The following IQCB1 variants were observed in gnomAD, a reference collection of about 807,000 sequenced individuals.
The protein encoded by IQCB1 is IQ motif containing B1.
Under a neutral mutation model 84.4 loss-of-function variants are expected in IQCB1, and 56 were observed. That is an observed-to-expected ratio of 0.66 (90% confidence interval 0.54 to 0.83). IQCB1 has a LOEUF of 0.83. Among genes scored for constraint, IQCB1 ranks in the 40% least tolerant of loss-of-function variants. IQCB1 has a pLI of 0.00. For synonymous variants in IQCB1, 210 were observed against 234.8 expected, an observed-to-expected ratio of 0.89 and a Z score of 0.96; for missense variants, 629 against 682.1, an observed-to-expected ratio of 0.92 and a Z score of 0.87.
chr3:121,812,561 T>A (rs1205822206), intron 5 of IQCB1, among the ~76,000 whole-genome samples: 1 of 152,126 alleles, frequency 6.6e-6, no homozygotes, highest in Non-Finnish European at 1.5e-5. Flanking sequence ...GAATAACCAG[T>A]TTAGGAGAAC....
At position 121,826,077 on chromosome 3, in the gene IQCB1, G is replaced by C. The variant is rs1950456364; in HGVS notation, c.367C>G (p.Gln123Glu). Residue 123 changes from glutamine to glutamate, a missense_variant, in exon 5 of 15, where the codon CAA becomes GAA. Coordinates refer to ENST00000310864, the MANE Select transcript of IQCB1 (RefSeq NM_001023570.4). ...ENFLVLGRQL[Q>E]TCFINAAKAE... is the part of the protein sequence containing the mutation. ...TTAGCTGCATTGATAAAACATGTTT[G>C]TAATTGTCTCCCCAAAACTAGAAAA... The C allele has an allele frequency of 6.2e-7, 1 of 1,612,970 alleles. No individual in the cohort carries two copies. Among genetic ancestry groups the C allele is most frequent in the African/African-American group, 1.3e-5 (1 of 74,898 alleles).
intron 10 of IQCB1, among the ~76,000 whole-genome samples, chr3:121,794,006 A>G (rs1576566459): frequency 1.3e-5 from 2 of 152,302 alleles, no homozygotes; most frequent in East Asian, 3.9e-4. Flanking sequence ...ATCCATAAGT[A>G]ATACCTACTC....
intron 5 of IQCB1, among the ~76,000 whole-genome samples, chr3:121,823,174 T>C (rs1950335895): frequency 6.9e-6 from 1 of 144,704 alleles, no homozygotes; most frequent in Non-Finnish European, 1.5e-5. Context: ...GACAGAACAA[T>C]AGAAATTATC....
chr3:121,812,834 G>A (rs916709165), intron 5 of IQCB1, among the ~76,000 whole-genome samples: 1 of 152,110 alleles, frequency 6.6e-6, no homozygotes, highest in East Asian at 1.9e-4. Context: ...GAACCAAGTT[G>A]GAAAACACTT....
At chr3:121,775,171 G>T (rs1948172436) in intron 13 of IQCB1, among the ~76,000 whole-genome samples, 1 of 152,168 alleles carries the variant, frequency 6.6e-6, no homozygotes. Context: ...AAATCTTTCA[G>T]TTGTGGTTCT....
Position 121,807,461 on chromosome 3 carries a change from AAAAG to A in IQCB1, c.488-22_488-19del. On this transcript the variant is annotated intron_variant, in intron 6 of 14. Coordinates refer to ENST00000310864, the MANE Select transcript of IQCB1 (RefSeq NM_001023570.4). ...TTGTAGTACTAAAGGAAAAGAAAAA[AAAAG>A]AAAGATTAAAGTAAAGATTTTATGA... The A allele has an allele frequency of 8.3e-7, 1 of 1,204,852 alleles. No homozygotes were observed. The highest frequency in any genetic ancestry group is 1.2e-6 in the Non-Finnish European group (1 of 810,286). 74.6% of individuals were successfully genotyped at this position (1,204,852 alleles called of 1,614,324 possible). A position where few individuals can be genotyped will look rare whatever the true frequency, so the allele number is the denominator to read the frequency against.
chr3:121,775,540 G>T (rs1013347576), intron 13 of IQCB1, among the ~76,000 whole-genome samples: 2 of 152,004 alleles, frequency 1.3e-5, no homozygotes, highest in African/African-American at 4.8e-5. Context: ...AGGTTGATGG[G>T]TCCCAAACCA....
intron 7 of IQCB1, among the ~76,000 whole-genome samples, chr3:121,802,841 C>T (rs1421419125): frequency 6.6e-6 from 1 of 152,086 alleles, no homozygotes; most frequent in Non-Finnish European, 1.5e-5. Context: ...TTAAGAATTT[C>T]CCCAGAAATT....
intron 12 of IQCB1, among the ~76,000 whole-genome samples, chr3:121,782,612 G>A (rs1185881144): frequency 2.0e-5 from 3 of 151,964 alleles, no homozygotes; most frequent in African/African-American, 4.8e-5. Context: ...TTAGTGGCAC[G>A]TAAAATTATA....
intron 5 of IQCB1, among the ~76,000 whole-genome samples, chr3:121,812,667 A>G (rs1559788820): frequency 6.6e-6 from 1 of 152,240 alleles, no homozygotes; most frequent in Non-Finnish European, 1.5e-5. Context: ...AAGGAAGGAT[A>G]TAAGAGAATG....
At chr3:121,820,792 T>C (rs1480825292) in intron 5 of IQCB1, among the ~76,000 whole-genome samples, 1 of 152,056 alleles carries the variant, frequency 6.6e-6, no homozygotes, top group East Asian at 1.9e-4. Context: ...TCTTAATATT[T>C]CATTTGACCC....
intron 2 of IQCB1, among the ~76,000 whole-genome samples, chr3:121,830,230 A>T (rs1024828537): frequency 7.0e-6 from 1 of 143,766 alleles, no homozygotes; most frequent in Non-Finnish European, 1.5e-5. Flanking sequence ...TAATTAATAA[A>T]TAAGTAAATA....
chr3:121,774,329 T>C (rs1445015010), intron 13 of IQCB1, among the ~76,000 whole-genome samples: 1 of 152,206 alleles, frequency 6.6e-6, no homozygotes, highest in Non-Finnish European at 1.5e-5. Context: ...GTGTGACTGG[T>C]AGAAATGTAA....
chr3:121,833,449 A>C (rs1335643592), intron 2 of IQCB1, among the ~76,000 whole-genome samples: 1 of 152,226 alleles, frequency 6.6e-6, no homozygotes, highest in Non-Finnish European at 1.5e-5. Flanking sequence ...TCTCTAACGT[A>C]AAATAGGCTC....
chr3:121,809,132 G>A (rs187570154), intron 5 of IQCB1, 123 bp from the exon 6 acceptor site: 403 of 638,416 alleles, frequency 6.3e-4, no homozygotes, highest in Non-Finnish European at 9.6e-4. Context: ...AGCTATTTAT[G>A]AGGGACATGA....
At chr3:121,795,649 T>A in intron 9 of IQCB1, 83 bp from the exon 10 acceptor site, 1 of 779,510 alleles carries the variant, frequency 1.3e-6, no homozygotes, top group Non-Finnish European at 2.3e-6. Flanking sequence ...AGTATCAGGT[T>A]AGGGCAAATA....
Position 121,788,389 on chromosome 3 carries a change from T to C in IQCB1, c.1173A>G (p.Ala391=). 2 of 1,613,836 alleles carry C rather than the reference T, an allele frequency of 1.2e-6. No homozygotes were observed. Among genetic ancestry groups the C allele is most frequent in the South Asian group, 1.1e-5 (1 of 91,082 alleles). Reference sequence around the variant, plus strand: ...CTCTCCAATGTTTCTGGATAATCAGTGCTGATTTCTCTTCCATTTCCCGAT... The same window carrying C: ...CTCTCCAATGTTTCTGGATAATCAGCGCTGATTTCTCTTCCATTTCCCGAT... ...KHYREMEEKS[A]LIIQKHWRGY... The change falls in exon 12 of 15, where the codon GCA becomes GCG. Residue 391 remains alanine (A), a synonymous_variant. Coordinates refer to ENST00000310864, the MANE Select transcript of IQCB1 (RefSeq NM_001023570.4).
intron 7 of IQCB1, among the ~76,000 whole-genome samples, chr3:121,806,903 G>A (rs1949616944): frequency 6.6e-6 from 1 of 151,904 alleles, no homozygotes; most frequent in Non-Finnish European, 1.5e-5. Flanking sequence ...CTGAATAATT[G>A]CCAATTGCTT....
At chr3:121,786,175 G>GAAA (rs760005810) in intron 12 of IQCB1, among the ~76,000 whole-genome samples, 1 of 122,862 alleles carries the variant, frequency 8.1e-6, no homozygotes, top group African/African-American at 3.0e-5. Context: ...TGTCTCAAAA[G>GAAA]AAAAGAAAAG....
Sources: allele counts gnomAD v4.1 joint callset (sites outside exome capture counted in the v4.1 genomes callset), GRCh38; gene constraint gnomAD v4.1.1; transcripts MANE v1.5; gene names NCBI Gene and HGNC (gene_info 2026-07-23, HGNC 2026-07-21).